MAPK4: variants seen among roughly 807,000 people sequenced by gnomAD.
The protein encoded by MAPK4 is mitogen-activated protein kinase 4.
MAPK4 carries 22 observed loss-of-function variants against 47.7 expected under a neutral mutation model. That is an observed-to-expected ratio of 0.46 (90% CI 0.33 to 0.66). The LOEUF (loss-of-function observed/expected upper bound fraction) is 0.66, where lower values mean the gene tolerates loss of function less well. Among genes scored for constraint, MAPK4 ranks in the 30% least tolerant of loss-of-function variants. MAPK4 has a pLI of 0.02. For synonymous variants in MAPK4, 390 were observed against 365.7 expected (o/e 1.07, Z -0.76); for missense variants, 736 against 831.7 (o/e 0.88, Z 1.42).
chr18:50,589,550 C>A (rs954860891), intron 1 of MAPK4, among the ~76,000 whole-genome samples: 15 of 148,626 alleles, frequency 1.0e-4, no homozygotes, highest in African/African-American at 3.7e-4. Context: ...GAGCCGAGAT[C>A]GCGCCACTGC....
At chr18:50,684,750 G>A (rs1003863110) in intron 2 of MAPK4, among the ~76,000 whole-genome samples, 2 of 152,164 alleles carry the variant, frequency 1.3e-5, no homozygotes, top group African/African-American at 4.8e-5. Context: ...GAGGAAGACA[G>A]GTGAAGGCAG....
intron 1 of MAPK4, among the ~76,000 whole-genome samples, chr18:50,603,295 G>A (rs575626651): frequency 4.6e-5 from 7 of 152,158 alleles, no homozygotes; most frequent in Non-Finnish European, 8.8e-5. Flanking sequence ...TCCCTGGTGT[G>A]TCTTCTGTCC....
At chr18:50,629,154 C>T (rs2144148194) in intron 1 of MAPK4, among the ~76,000 whole-genome samples, 2 of 152,296 alleles carry the variant, frequency 1.3e-5, no homozygotes, top group Middle Eastern at 3.4e-3. Context: ...GAGGGCATTG[C>T]TCAGGGCTGA....
In MAPK4 at chr18:50,722,784, C is replaced by T. The variant is rs185720717; in HGVS notation, c.853+685C>T. Among the ~76,000 whole-genome samples the T allele has an allele frequency of 6.6e-5, 10 of 152,224 alleles. No homozygotes were observed. In the East Asian group the frequency reaches 1.4e-3, roughly 21 times the overall value. ...GAATCTGATGACAAAAACTCAGGTG[C>T]GGCACAGGTGAAAGGCGGGCTCTGG... On this transcript the variant is annotated intron_variant, in intron 4 of 5. Transcript: ENST00000400384.
intron 3 of MAPK4, among the ~76,000 whole-genome samples, chr18:50,715,507 C>T (rs991885923): frequency 6.6e-6 from 1 of 152,170 alleles, no homozygotes; most frequent in Admixed American, 6.5e-5. Context: ...AGGTTGAAAT[C>T]CTAACCCCCA....
chr18:50,721,794 ATG>A, intron 3 of MAPK4, 142 bp from the exon 4 acceptor site: 1 of 701,254 alleles, frequency 1.4e-6, no homozygotes, highest in Non-Finnish European at 2.3e-6. Flanking sequence ...TGAGCAGCAA[ATG>A]AAGACCAGAA....
At chr18:50,654,472 A>T (rs10432203) in intron 1 of MAPK4, among the ~76,000 whole-genome samples, 2 of 152,092 alleles carry the variant, frequency 1.3e-5, no homozygotes, top group East Asian at 3.8e-4. Context: ...GCAAGCCCCA[A>T]ATAGGGCCTC....
chr18:50,613,946 G>A lies in MAPK4; in HGVS notation c.-870-49143G>A, dbSNP rs146929619. On this transcript the variant is annotated intron_variant, in intron 1 of 5. Transcript: ENST00000400384. ...AGAAGACAAATGAATGAAATACCAT[G>A]TCTAAGTAATTAAAAGTTATAAATT... Among the ~76,000 whole-genome samples the A allele has an allele frequency of 9.1e-3, 1,381 of 152,208 alleles. 10 individuals are homozygous for A. Among genetic ancestry groups the A allele is most frequent in the Non-Finnish European group, 0.015 (1,049 of 68,004 alleles).
intron 2 of MAPK4, among the ~76,000 whole-genome samples, chr18:50,710,475 C>T (rs140468056): frequency 0.01 from 1,472 of 141,548 alleles, 26 homozygotes; most frequent in African/African-American, 0.036. Flanking sequence ...AGAGCGAGAC[C>T]CTATCTCAAA....
chr18:50,706,155 TA>T (rs1450822830), intron 2 of MAPK4: 1 of 152,214 alleles, frequency 6.6e-6, no homozygotes, highest in African/African-American at 2.4e-5. Flanking sequence ...GATTTTTCAG[TA>T]AATTTTTACT....
At chr18:50,696,700 C>CTAAAA (rs905007071) in intron 2 of MAPK4, among the ~76,000 whole-genome samples, 1 of 152,164 alleles carries the variant, frequency 6.6e-6, no homozygotes, top group African/African-American at 2.4e-5. Context: ...AGGAACTGCC[C>CTAAAA]TTTTTAACAG....
chr18:50,707,828 T>C (rs2144407357), intron 2 of MAPK4, among the ~76,000 whole-genome samples: 1 of 152,306 alleles, frequency 6.6e-6, no homozygotes, highest in East Asian at 1.9e-4. Flanking sequence ...GAGCTTTTGG[T>C]TGATTTCCAT....
intron 1 of MAPK4, among the ~76,000 whole-genome samples, chr18:50,636,114 C>T (rs537018675): frequency 6.6e-6 from 1 of 152,368 alleles, no homozygotes; most frequent in Non-Finnish European, 1.5e-5. Flanking sequence ...AGCACTTTCT[C>T]CCTCTCCCTC....
intron 4 of MAPK4, among the ~76,000 whole-genome samples, chr18:50,723,386 A>AG (rs1396810860): frequency 6.6e-6 from 1 of 152,092 alleles, no homozygotes; most frequent in Non-Finnish European, 1.5e-5. Flanking sequence ...TCACTGCAGG[A>AG]GGGGCTTGGA....
intron 1 of MAPK4, among the ~76,000 whole-genome samples, chr18:50,650,326 A>T (rs1327141680): frequency 1.7e-5 from 2 of 119,948 alleles, no homozygotes; most frequent in Non-Finnish European, 3.5e-5. Flanking sequence ...CCCCCTTTCC[A>T]CTACCCCCTC....
At chr18:50,608,929 C>T (rs551583627) in intron 1 of MAPK4, among the ~76,000 whole-genome samples, 65 of 151,920 alleles carry the variant, frequency 4.3e-4, no homozygotes, top group Non-Finnish European at 1.6e-4. Flanking sequence ...TGACTCTTAA[C>T]GAGCATGCTG....
chr18:50,718,258 C>T (rs1259022061), intron 3 of MAPK4, among the ~76,000 whole-genome samples: 1 of 152,196 alleles, frequency 6.6e-6, no homozygotes, highest in Non-Finnish European at 1.5e-5. Flanking sequence ...CTCGTGCTGT[C>T]CCCCAGGCTG....
chr18:50,702,799 A>G (rs547875807), intron 2 of MAPK4, among the ~76,000 whole-genome samples: 7 of 152,228 alleles, frequency 4.6e-5, no homozygotes, highest in Admixed American at 1.3e-4. Context: ...GCTGGAGTGT[A>G]TGCTCCCTGA....
intron 1 of MAPK4, among the ~76,000 whole-genome samples, chr18:50,602,868 C>T (rs2042552503): frequency 6.6e-6 from 1 of 152,078 alleles, no homozygotes; most frequent in African/African-American, 2.4e-5. Flanking sequence ...TCAGGGAAGA[C>T]CTCTGGTGCC....
Sources: gnomAD v4.1 joint callset for allele counts (sites outside exome capture counted in the v4.1 genomes callset) on GRCh38, gnomAD v4.1.1 for gene constraint, MANE v1.5 for transcripts, NCBI Gene and HGNC (gene_info 2026-07-23, HGNC 2026-07-21) for gene names.